CTNNA2: variants seen among roughly 807,000 people sequenced by gnomAD.
CTNNA2 encodes catenin alpha-2.
A neutral mutation model predicts 101.0 loss-of-function variants in CTNNA2; 42 were observed. That is an observed-to-expected ratio of 0.42 (90% CI 0.32 to 0.54). The LOEUF (loss-of-function observed/expected upper bound fraction) is 0.54, where lower values mean the gene tolerates loss of function less well. Ranked by LOEUF, CTNNA2 falls within the 20% of genes least tolerant of loss-of-function variation. The pLI is 0.14. For missense variants in CTNNA2, 871 were observed against 1,223.1 expected (o/e 0.71, Z 4.29); for synonymous variants, 450 against 456.4 (o/e 0.99, Z 0.18).
intron 7 of CTNNA2, among the ~76,000 whole-genome samples, chr2:80,221,480 G>C (rs573774404): frequency 1.3e-5 from 2 of 152,286 alleles, no homozygotes; most frequent in Admixed American, 6.5e-5. Flanking sequence ...GCTGACCCAT[G>C]CTGGGGCACC....
At chr2:80,412,246 A>G (rs1209550921) in intron 8 of CTNNA2, among the ~76,000 whole-genome samples, 3 of 152,244 alleles carry the variant, frequency 2.0e-5, no homozygotes, top group Non-Finnish European at 4.4e-5. Context: ...GTGCTGGGGC[A>G]GAAAATGAAA....
At chr2:80,637,234 A>C (rs1398125839) in intron 18 of CTNNA2, among the ~76,000 whole-genome samples, 1 of 152,218 alleles carries the variant, frequency 6.6e-6, no homozygotes, top group Non-Finnish European at 1.5e-5. Flanking sequence ...AGGGCTTACC[A>C]TGTGCCAGGC....
Position 79,362,784 on chromosome 2 carries a change from C to T in CTNNA2, c.-317-11047C>T, listed in dbSNP as rs138476895. On this transcript the variant is annotated intron_variant, in intron 3 of 21. Transcript: ENST00000466387. Reference sequence around the variant, plus strand: ...TAGTGGCAGCTCTACCAGCCTGGATCGTTGACAAAGGATGACACAGAGCAT... The same window carrying T: ...TAGTGGCAGCTCTACCAGCCTGGATTGTTGACAAAGGATGACACAGAGCAT... Among the ~76,000 whole-genome samples, 444 of 152,282 alleles carry T rather than the reference C, an allele frequency of 2.9e-3. 3 individuals carry two copies. Among genetic ancestry groups the T allele is most frequent in the Non-Finnish European group, 4.8e-3 (328 of 68,020 alleles).
At position 79,475,110 on chromosome 2, in the gene CTNNA2, TAA is replaced by T. The variant is rs1671037516; in HGVS notation, c.-134-29942_-134-29941del. Among the ~76,000 whole-genome samples the T allele has an allele frequency of 2.6e-5, 4 of 152,252 alleles. No individual in the cohort carries two copies. The South Asian group carries it at 8.3e-4, about 32-fold the overall frequency. On this transcript the variant is annotated intron_variant, in intron 4 of 21. Transcript: ENST00000466387. ...GTGAAGACTCTGAGGAATTCTCCTC[TAA>T]AGAAAACTCTTTTTTCTTTTTTTTG... is the stretch of plus-strand genomic sequence containing the variant.
chr2:79,898,256 C>A (rs1684848089), intron 6 of CTNNA2, among the ~76,000 whole-genome samples: 1 of 152,020 alleles, frequency 6.6e-6, no homozygotes, highest in Non-Finnish European at 1.5e-5. Flanking sequence ...GCCTCAGCCT[C>A]CCGAGTAGCT....
intron 7 of CTNNA2, among the ~76,000 whole-genome samples, chr2:80,068,548 T>G (rs1698124251): frequency 6.6e-6 from 1 of 152,224 alleles, no homozygotes; most frequent in Non-Finnish European, 1.5e-5. Flanking sequence ...TAATGTTTAT[T>G]AAAACAGCCC....
At chr2:79,506,733 G>A (rs1383416375) in intron 5 of CTNNA2, among the ~76,000 whole-genome samples, 2 of 152,134 alleles carry the variant, frequency 1.3e-5, no homozygotes, top group East Asian at 3.9e-4. Flanking sequence ...AAGTGGTAGA[G>A]GAAATACCTC....
intron 18 of CTNNA2, among the ~76,000 whole-genome samples, chr2:80,645,459 A>G (rs1302806373): frequency 6.6e-6 from 1 of 152,186 alleles, no homozygotes; most frequent in Non-Finnish European, 1.5e-5. Flanking sequence ...ATCACTGGAT[A>G]AAGTAAACCA....
At chr2:79,220,262 T>C (rs557384010) in intron 2 of CTNNA2, among the ~76,000 whole-genome samples, 2 of 152,088 alleles carry the variant, frequency 1.3e-5, no homozygotes, top group Non-Finnish European at 2.9e-5. Context: ...GTGGGAAAAT[T>C]AAGATCTCTT....
At chr2:79,669,297 C>G (rs1373743049) in intron 2 of CTNNA2, among the ~76,000 whole-genome samples, 1 of 152,130 alleles carries the variant, frequency 6.6e-6, no homozygotes, top group Non-Finnish European at 1.5e-5. Context: ...TAAGTTTCTT[C>G]CCACTGCTAC....
chr2:80,014,668 A>T (rs1040679893), intron 7 of CTNNA2, among the ~76,000 whole-genome samples: 3 of 152,140 alleles, frequency 2.0e-5, no homozygotes, highest in Non-Finnish European at 2.9e-5. Context: ...ACAAAGACAC[A>T]AGCTGGTGCT....
intron 4 of CTNNA2, chr2:79,498,145 C>G (rs568683972): frequency 1.3e-5 from 2 of 152,286 alleles, no homozygotes; most frequent in South Asian, 2.1e-4. Flanking sequence ...TCCTCTTGGA[C>G]AAGAATATAC....
intron 6 of CTNNA2, among the ~76,000 whole-genome samples, chr2:79,904,311 G>A (rs11678014): frequency 1.3e-5 from 2 of 152,094 alleles, no homozygotes; most frequent in African/African-American, 4.8e-5. Flanking sequence ...TGTGCTCTTA[G>A]ACTCCTACAG....
rs1671091086 is a variant in CTNNA2 at position 79,479,920 on chromosome 2, C to G, written c.-134-25134C>G. Among the ~76,000 whole-genome samples the G allele has an allele frequency of 3.3e-5, 5 of 150,440 alleles. No homozygotes were observed. The South Asian group carries it at 1.0e-3, about 31-fold the overall frequency. On this transcript the variant is annotated intron_variant, in intron 4 of 21. Coordinates refer to the CTNNA2 transcript ENST00000466387. ...ACTGGGCGACAAAGTGAGACTCCATCTCAAAAAAAAAAGAAGGAATAACTG... is the reference window on the plus strand; with the variant it reads ...ACTGGGCGACAAAGTGAGACTCCATGTCAAAAAAAAAAGAAGGAATAACTG...
intron 7 of CTNNA2, among the ~76,000 whole-genome samples, chr2:80,087,168 A>G (rs1468317161): frequency 1.3e-5 from 2 of 152,034 alleles, no homozygotes; most frequent in Non-Finnish European, 2.9e-5. Context: ...TGAGTCAGCA[A>G]TTATAGCCTT....
chr2:79,757,562 G>C (rs1204953508), intron 3 of CTNNA2, among the ~76,000 whole-genome samples: 1 of 152,110 alleles, frequency 6.6e-6, no homozygotes, highest in East Asian at 1.9e-4. Flanking sequence ...AAGAGAATAA[G>C]AAATCCATGG....
chr2:80,236,570 G>C (rs1215562978), intron 7 of CTNNA2, among the ~76,000 whole-genome samples: 3 of 152,128 alleles, frequency 2.0e-5, no homozygotes, highest in Non-Finnish European at 4.4e-5. Context: ...TCTGTCACAA[G>C]GGATACTGGG....
At chr2:79,971,326 C>T (rs1690464349) in intron 7 of CTNNA2, among the ~76,000 whole-genome samples, 1 of 152,152 alleles carries the variant, frequency 6.6e-6, no homozygotes, top group Non-Finnish European at 1.5e-5. Flanking sequence ...ATTATCATCA[C>T]TATTATCATC....
chr2:80,593,498 A>T (rs1448842290), intron 15 of CTNNA2, among the ~76,000 whole-genome samples: 1 of 152,092 alleles, frequency 6.6e-6, no homozygotes, highest in African/African-American at 2.4e-5. Context: ...TTTTTCTATT[A>T]TGGTATACAT....
Sources: gnomAD v4.1 joint callset for allele counts (sites outside exome capture counted in the v4.1 genomes callset) on GRCh38, gnomAD v4.1.1 for gene constraint, MANE v1.5 for transcripts, NCBI Gene and HGNC (gene_info 2026-07-23, HGNC 2026-07-21) for gene names.